FBXO34: variants seen among roughly 807,000 people sequenced by gnomAD.
FBXO34 encodes F-box only protein 34.
Under a neutral mutation model 24.5 loss-of-function variants are expected in FBXO34, and 12 were observed. The ratio of observed to expected loss-of-function variants is 0.49; its 90% CI spans 0.31 to 0.79. The LOEUF (loss-of-function observed/expected upper bound fraction) is 0.79. Among genes scored for constraint, FBXO34 ranks in the 30% least tolerant of loss-of-function variants. The pLI is 0.04. For synonymous variants in FBXO34, 320 were observed against 311.9 expected (o/e 1.03, Z -0.27); for missense variants, 823 against 857.7 (o/e 0.96, Z 0.51).
intron 1 of FBXO34, among the ~76,000 whole-genome samples, chr14:55,321,623 C>T (rs1188756458): frequency 6.6e-6 from 1 of 152,120 alleles, no homozygotes. Context: ...TTTCAAACTG[C>T]TGACATCAAA....
the FBXO34 span, among the ~76,000 whole-genome samples, chr14:55,393,962 C>T: frequency 1.6e-4 from 24 of 151,586 alleles, no homozygotes; most frequent in East Asian, 3.3e-3. Context: ...TTCCACAGCA[C>T]GTAGACTGAC....
chr14:55,393,355 A>C, the FBXO34 span, among the ~76,000 whole-genome samples: 1 of 152,100 alleles, frequency 6.6e-6, no homozygotes, highest in Non-Finnish European at 1.5e-5. Context: ...ACTGCACTCC[A>C]GCCTGGGTGA....
At chr14:55,375,376 T>C in the FBXO34 span, among the ~76,000 whole-genome samples, 1 of 152,064 alleles carries the variant, frequency 6.6e-6, no homozygotes, top group Non-Finnish European at 1.5e-5. Flanking sequence ...TCATCCAGGT[T>C]GGAGTGCAGT....
At chr14:55,389,151 T>A in the FBXO34 span, among the ~76,000 whole-genome samples, 2 of 152,210 alleles carry the variant, frequency 1.3e-5, no homozygotes, top group African/African-American at 4.8e-5. Context: ...TGGTTGTTTT[T>A]GTTTTTGGGA....
intron 1 of FBXO34, among the ~76,000 whole-genome samples, chr14:55,272,569 A>AT (rs1422969296): frequency 2.1e-5 from 3 of 142,806 alleles, no homozygotes; most frequent in Admixed American, 7.0e-5. Context: ...GCTTGTTAGC[A>AT]TTTTTTGTTA....
the FBXO34 span, among the ~76,000 whole-genome samples, chr14:55,384,124 A>G: frequency 6.6e-6 from 1 of 152,358 alleles, no homozygotes; most frequent in East Asian, 1.9e-4. Context: ...AAGGCAAACA[A>G]GAAACCTTAT....
At chr14:55,418,587 C>T in the FBXO34 span, among the ~76,000 whole-genome samples, 4 of 152,210 alleles carry the variant, frequency 2.6e-5, no homozygotes, top group Non-Finnish European at 5.9e-5. Flanking sequence ...CTCTGGCCCA[C>T]TCACTAACAA....
chr14:55,385,126 G>A, the FBXO34 span, among the ~76,000 whole-genome samples: 1 of 152,180 alleles, frequency 6.6e-6, no homozygotes, highest in Non-Finnish European at 1.5e-5. Flanking sequence ...GAGACCCCAA[G>A]CTCTAGATGT....
At chr14:55,323,214 A>T (rs373275513) in intron 1 of FBXO34, among the ~76,000 whole-genome samples, 8,448 of 37,434 alleles carry the variant, frequency 0.23, 1,248 homozygotes, top group Non-Finnish European at 0.25. Context: ...AAAAAAAAAA[A>T]AAAAATATAT....
chr14:55,386,719 G>C, the FBXO34 span, among the ~76,000 whole-genome samples: 1 of 152,170 alleles, frequency 6.6e-6, no homozygotes, highest in Non-Finnish European at 1.5e-5. Flanking sequence ...ACACAACCAC[G>C]AGGAGACATA....
At chr14:55,431,057 A>G in the FBXO34 span, among the ~76,000 whole-genome samples, 2 of 152,330 alleles carry the variant, frequency 1.3e-5, no homozygotes, top group South Asian at 2.1e-4. Context: ...AATCTCACCC[A>G]TACTGGTGTT....
chr14:55,323,200 A>T (rs369912405), intron 1 of FBXO34, among the ~76,000 whole-genome samples: 1,658 of 44,834 alleles, frequency 0.037, 125 homozygotes, highest in South Asian at 0.046. Context: ...AAAAAAAAAA[A>T]AAAAAAAAAA....
chr14:55,351,722 C>G lies in FBXO34; in HGVS notation c.1332C>G (p.Ser444Arg). 1 of 1,614,166 alleles carries G rather than the reference C, an allele frequency of 6.2e-7. No individual in the cohort carries two copies. Among genetic ancestry groups the G allele is most frequent in the East Asian group, 2.2e-5 (1 of 44,890 alleles). Residue 444 changes from serine to arginine, a missense_variant, in exon 2 of 2, where the codon AGC (serine) becomes AGG (arginine). This residue lies in a region of FBXO34 where 693 missense variants were observed against 659.1 expected (regional missense o/e 1.05). Transcript: ENST00000313833. ...GCAGAGAGCTTGTGTCCCTTACTAG[C>G]CGAAATCCTGATCAAAGAAAAGAAT... ...CMSRELVSLT[S>R]RNPDQRKESL...
At chr14:55,378,091 C>A in the FBXO34 span, 39 of 1,605,080 alleles carry the variant, frequency 2.4e-5, 2 homozygotes, top group South Asian at 4.0e-4. Context: ...AACAAACATA[C>A]AATTTATAAA....
the FBXO34 span, chr14:55,440,469 G>A: frequency 6.2e-7 from 1 of 1,611,620 alleles, no homozygotes; most frequent in African/African-American, 1.3e-5. Context: ...TCCCACTGTT[G>A]GGGGTGGGGG....
chr14:55,391,523 A>G, the FBXO34 span, among the ~76,000 whole-genome samples: 1 of 152,042 alleles, frequency 6.6e-6, no homozygotes, highest in African/African-American at 2.4e-5. Flanking sequence ...AAATTCACAT[A>G]GTTTTGTATG....
At chr14:55,274,652 G>A (rs72715746) in intron 1 of FBXO34, among the ~76,000 whole-genome samples, 19,541 of 151,992 alleles carry the variant, frequency 0.13, 1,660 homozygotes, top group Non-Finnish European at 0.17. Flanking sequence ...ATGTTTATTG[G>A]ATCAGTTATT....
At chr14:55,277,033 A>T (rs1029118879) in intron 1 of FBXO34, among the ~76,000 whole-genome samples, 4 of 152,210 alleles carry the variant, frequency 2.6e-5, no homozygotes. Context: ...AAAATGTACA[A>T]ATCTTATGTA....
At chr14:55,416,862 A>G in the FBXO34 span, among the ~76,000 whole-genome samples, 2 of 152,248 alleles carry the variant, frequency 1.3e-5, no homozygotes, top group African/African-American at 4.8e-5. Flanking sequence ...ATTGAGGAAC[A>G]GTGTCCAGGT....
Sources: gnomAD v4.1 joint callset for allele counts (sites outside exome capture counted in the v4.1 genomes callset) on GRCh38, gnomAD v4.1.1 for gene constraint, gnomAD v4.1.1 regional missense constraint, MANE v1.5 for transcripts, NCBI Gene and HGNC (gene_info 2026-07-23, HGNC 2026-07-21) for gene names.